Variants in AAMDC observed in about 807,000 individuals in gnomAD.
The protein encoded by AAMDC is mth938 domain-containing protein.
In AAMDC, 16 loss-of-function variants were observed where a neutral mutation model predicts 15.5. The ratio of observed to expected loss-of-function variants is 1.03; its 90% CI spans 0.70 to 1.57. The LOEUF is 1.57. Ranked by LOEUF, AAMDC falls within the 40% of genes most tolerant of loss-of-function variation. The probability of loss-of-function intolerance (pLI) is 0.00; values close to 1 mark genes in which losing one functional copy is unlikely to be tolerated. For synonymous variants in AAMDC, 51 were observed against 51.6 expected (o/e 0.99, Z 0.05); for missense variants, 141 against 144.9 (o/e 0.97, Z 0.14).
chr11:77,863,420 C>G (rs1036658467), intron 2 of AAMDC, among the ~76,000 whole-genome samples: 5 of 152,080 alleles, frequency 3.3e-5, no homozygotes, highest in African/African-American at 1.2e-4. Flanking sequence ...AGTGCAGTTG[C>G]AAGATTTAAG....
At chr11:77,838,576 G>A (rs1225101991) in intron 1 of AAMDC, among the ~76,000 whole-genome samples, 1 of 148,858 alleles carries the variant, frequency 6.7e-6, no homozygotes. Flanking sequence ...ATAGTCATCT[G>A]CTTCTGTTTC....
downstream of AAMDC, among the ~76,000 whole-genome samples, chr11:77,872,938 G>A (rs947707089): frequency 1.3e-5 from 2 of 152,162 alleles, no homozygotes; most frequent in South Asian, 2.1e-4. Flanking sequence ...GTGACAGTGA[G>A]AGACTCCGTT....
intron 2 of AAMDC, among the ~76,000 whole-genome samples, chr11:77,854,380 A>G (rs1950526266): frequency 6.6e-6 from 1 of 152,210 alleles, no homozygotes; most frequent in South Asian, 2.1e-4. Flanking sequence ...TCTTCTGCCT[A>G]TGAGCCTATA....
intron 1 of AAMDC, among the ~76,000 whole-genome samples, chr11:77,821,847 ATTCAGCCAGGCCTGAGTCC>A (rs1349187956): frequency 6.6e-6 from 1 of 152,154 alleles, no homozygotes; most frequent in African/African-American, 2.4e-5. Context: ...TGAGCTTTGG[ATTCAGCCAGGCCTGAGTCC>A]TAGCGGGGCT....
intron 2 of AAMDC, among the ~76,000 whole-genome samples, chr11:77,849,902 C>T (rs1340798861): frequency 1.3e-5 from 2 of 152,150 alleles, no homozygotes; most frequent in Non-Finnish European, 2.9e-5. Flanking sequence ...GATGCTTACT[C>T]CCTTCCCTTA....
intron 5 of AAMDC, among the ~76,000 whole-genome samples, chr11:77,896,224 G>GA (rs1045591764): frequency 5.3e-5 from 8 of 149,976 alleles, no homozygotes; most frequent in South Asian, 2.1e-4. Flanking sequence ...AAACTATACA[G>GA]AAAAAAAAGG....
rs574557186 is a variant in AAMDC, at chr11:77,895,067, C to T, written c.329-5504C>T. On this transcript the variant is annotated intron_variant, in intron 5 of 5. Coordinates refer to the AAMDC transcript ENST00000304716. ...TTGGCGACAGACATAGATGGTGTTCCTTCCTCTCTATCTTGAATTACTTGG... is the reference window on the plus strand; with the variant it reads ...TTGGCGACAGACATAGATGGTGTTCTTTCCTCTCTATCTTGAATTACTTGG... Among the ~76,000 whole-genome samples, 10 of 152,140 alleles carry T rather than the reference C, an allele frequency of 6.6e-5. No homozygotes were observed. The South Asian group carries it at 2.1e-3, about 32-fold the overall frequency.
chr11:77,869,409 C>A (rs1359846393), intron 2 of AAMDC, among the ~76,000 whole-genome samples: 1 of 149,524 alleles, frequency 6.7e-6, no homozygotes, highest in East Asian at 2.0e-4. Flanking sequence ...ACCTCCCAGG[C>A]CCAAGCAATC....
intron 2 of AAMDC, among the ~76,000 whole-genome samples, chr11:77,863,933 CT>C (rs113403404): frequency 1.5e-4 from 22 of 148,022 alleles, no homozygotes; most frequent in Non-Finnish European, 2.3e-4. Flanking sequence ...AAGATGATCC[CT>C]TTTTTTTTTG....
At chr11:77,847,403 C>T (rs894862364) in intron 2 of AAMDC, among the ~76,000 whole-genome samples, 2 of 152,062 alleles carry the variant, frequency 1.3e-5, no homozygotes, top group Non-Finnish European at 2.9e-5. Context: ...AAAATTAGGC[C>T]CCACATAGAA....
At chr11:77,897,260 G>A (rs932975394) in intron 5 of AAMDC, among the ~76,000 whole-genome samples, 13 of 151,762 alleles carry the variant, frequency 8.6e-5, no homozygotes, top group Admixed American at 3.3e-4. Context: ...TTGGGAGGCC[G>A]AGGTGGAAGG....
chr11:77,899,044 A>T (rs1327861890), intron 5 of AAMDC, among the ~76,000 whole-genome samples: 2 of 152,058 alleles, frequency 1.3e-5, no homozygotes, highest in African/African-American at 2.4e-5. Flanking sequence ...AAAATAAATA[A>T]ATGGTTTTGC....
At chr11:77,836,473 C>T (rs1028024909) in intron 1 of AAMDC, among the ~76,000 whole-genome samples, 2 of 152,174 alleles carry the variant, frequency 1.3e-5, no homozygotes, top group African/African-American at 4.8e-5. Context: ...TCGCCATAAA[C>T]CAACCAATCC....
intron 2 of AAMDC, among the ~76,000 whole-genome samples, chr11:77,852,224 C>CAAAAAGAAAAAAAA (rs1950416385): frequency 3.0e-5 from 1 of 33,530 alleles, no homozygotes; most frequent in Non-Finnish European, 4.8e-5. Flanking sequence ...GACACTGTCT[C>CAAAAAGAAAAAAAA]AAAAAAAAAA....
chr11:77,879,173 G>A, intron 5 of AAMDC: 2 of 1,598,920 alleles, frequency 1.3e-6, no homozygotes, highest in South Asian at 2.2e-5. Flanking sequence ...GCAACTGCTA[G>A]GAATGAGGAT....
intron 5 of AAMDC, among the ~76,000 whole-genome samples, chr11:77,889,645 T>C (rs1001337870): frequency 1.3e-5 from 2 of 152,186 alleles, no homozygotes; most frequent in Non-Finnish European, 2.9e-5. Context: ...AATCTCAGTG[T>C]CATCTCTGAG....
At chr11:77,901,688 A>T (rs1268720954), downstream of AAMDC, 1 of 662,184 alleles carries the variant, frequency 1.5e-6, no homozygotes, top group Non-Finnish European at 2.6e-6. Flanking sequence ...AAGTGTTGAA[A>T]GAAATTAGTA....
intron 5 of AAMDC, among the ~76,000 whole-genome samples, chr11:77,886,432 C>T (rs544038627): frequency 6.6e-6 from 1 of 151,790 alleles, no homozygotes; most frequent in South Asian, 2.1e-4. Flanking sequence ...TTAATAATCG[C>T]GAAGGCCCGC....
downstream of AAMDC, among the ~76,000 whole-genome samples, chr11:77,872,940 G>T (rs1473648771): frequency 6.6e-6 from 1 of 152,152 alleles, no homozygotes; most frequent in Non-Finnish European, 1.5e-5. Flanking sequence ...GACAGTGAGA[G>T]ACTCCGTTTC....
Sources: allele counts gnomAD v4.1 joint callset (sites outside exome capture counted in the v4.1 genomes callset), GRCh38; gene constraint gnomAD v4.1.1; transcripts MANE v1.5; gene names NCBI Gene and HGNC (gene_info 2026-07-23, HGNC 2026-07-21).